The following PDE4B variants were observed in gnomAD, a reference collection of about 807,000 sequenced individuals.
PDE4B encodes the protein 3',5'-cyclic-AMP phosphodiesterase 4B.
In PDE4B, 20 loss-of-function variants were observed where a neutral mutation model predicts 82.2. The observed-to-expected ratio is 0.24, with a 90% confidence interval of 0.17 to 0.35. The LOEUF (loss-of-function observed/expected upper bound fraction) is 0.35, where lower values mean the gene tolerates loss of function less well. Ranked by LOEUF, PDE4B falls within the 10% of genes least tolerant of loss-of-function variation. The probability of loss-of-function intolerance (pLI) is 1.00; values close to 1 mark genes in which losing one functional copy is unlikely to be tolerated. For synonymous variants in PDE4B, 320 were observed against 318.9 expected, an observed-to-expected ratio of 1.00 and a Z score of -0.04; for missense variants, 655 against 907.2, an observed-to-expected ratio of 0.72 and a Z score of 3.57.
chr1:65,887,281 T>TTCCTTCCTTCTTTC, intron 1 of PDE4B, among the ~76,000 whole-genome samples: 1 of 122,798 alleles, frequency 8.1e-6, no homozygotes, highest in African/African-American at 3.1e-5. Context: ...CTTTCTTTCT[T>TTCCTTCCTTCTTTC]TTTCTTTCTC....
chr1:65,853,452 T>C (rs920812160), intron 1 of PDE4B, among the ~76,000 whole-genome samples: 1 of 152,150 alleles, frequency 6.6e-6, no homozygotes, highest in Non-Finnish European at 1.5e-5. Flanking sequence ...TTTATTCTTT[T>C]TGTGACTTCT....
intron 3 of PDE4B, among the ~76,000 whole-genome samples, chr1:66,037,770 C>T (rs969494773): frequency 6.6e-6 from 1 of 151,918 alleles, no homozygotes; most frequent in African/African-American, 2.4e-5. Flanking sequence ...TCATTTTCAA[C>T]AATAAAAATG....
At chr1:65,941,037 GC>G (rs959984216) in intron 3 of PDE4B, among the ~76,000 whole-genome samples, 6 of 151,888 alleles carry the variant, frequency 4.0e-5, no homozygotes, top group African/African-American at 1.5e-4. Flanking sequence ...ATATAATGTT[GC>G]AGATAAAGTT....
chr1:66,055,013 C>A (rs151291888), intron 3 of PDE4B, among the ~76,000 whole-genome samples: 2 of 152,086 alleles, frequency 1.3e-5, no homozygotes, highest in African/African-American at 4.8e-5. Context: ...AGTCAAACTG[C>A]GTTTTAAAGA....
At chr1:65,980,361 T>C (rs1231299090) in intron 3 of PDE4B, among the ~76,000 whole-genome samples, 1 of 152,032 alleles carries the variant, frequency 6.6e-6, no homozygotes, top group Non-Finnish European at 1.5e-5. Context: ...TACAGAAAAA[T>C]GGTGTTTTGA....
At chr1:65,964,096 A>C (rs1023158121) in intron 3 of PDE4B, among the ~76,000 whole-genome samples, 1 of 152,130 alleles carries the variant, frequency 6.6e-6, no homozygotes, top group Non-Finnish European at 1.5e-5. Flanking sequence ...TAAATGATTG[A>C]TATAACACTT....
chr1:66,211,194 G>T (rs1650020974), intron 3 of PDE4B, among the ~76,000 whole-genome samples: 1 of 152,200 alleles, frequency 6.6e-6, no homozygotes, highest in South Asian at 2.1e-4. Flanking sequence ...ATATTACAAG[G>T]TTTATAGATT....
chr1:66,260,190 C>T (rs1654582121), intron 6 of PDE4B, among the ~76,000 whole-genome samples: 1 of 152,090 alleles, frequency 6.6e-6, no homozygotes, highest in African/African-American at 2.4e-5. Flanking sequence ...ATTGTTACCC[C>T]CACTCTATGG....
At chr1:65,914,384 T>C (rs1040941701) in intron 2 of PDE4B, among the ~76,000 whole-genome samples, 6 of 152,220 alleles carry the variant, frequency 3.9e-5, no homozygotes, top group Non-Finnish European at 8.8e-5. Flanking sequence ...TCCTTTTCCA[T>C]TGCCATTTCT....
intron 1 of PDE4B, among the ~76,000 whole-genome samples, chr1:65,858,597 A>G (rs1646419840): frequency 6.6e-6 from 1 of 152,200 alleles, no homozygotes; most frequent in Admixed American, 6.5e-5. Context: ...TGGAAATTAG[A>G]AAGTGTTAAG....
chr1:66,036,802 C>G (rs1198970041), intron 3 of PDE4B, among the ~76,000 whole-genome samples: 1 of 152,026 alleles, frequency 6.6e-6, no homozygotes, highest in East Asian at 1.9e-4. Context: ...ATTGCTTTGG[C>G]TATTTGGAGT....
intron 1 of PDE4B, among the ~76,000 whole-genome samples, chr1:65,908,659 A>C (rs966872714): frequency 1.3e-5 from 2 of 152,104 alleles, no homozygotes; most frequent in African/African-American, 4.8e-5. Flanking sequence ...ATTCCAATCA[A>C]GAGAGTAGAC....
intron 3 of PDE4B, among the ~76,000 whole-genome samples, chr1:66,048,545 A>G (rs1445221269): frequency 6.6e-6 from 1 of 151,982 alleles, no homozygotes; most frequent in East Asian, 1.9e-4. Context: ...TTACACTACA[A>G]AGAAAGTAGT....
At chr1:66,084,110 T>C (rs1015541883) in intron 3 of PDE4B, among the ~76,000 whole-genome samples, 7 of 152,128 alleles carry the variant, frequency 4.6e-5, no homozygotes, top group African/African-American at 1.7e-4. Context: ...TTTAAAAAAT[T>C]ATACCTCTTA....
At chr1:65,889,526 AT>A (rs1169350513) in intron 1 of PDE4B, among the ~76,000 whole-genome samples, 1 of 152,178 alleles carries the variant, frequency 6.6e-6, no homozygotes, top group African/African-American at 2.4e-5. Flanking sequence ...AATAAATAAA[AT>A]GAAGTTGTAA....
At chr1:65,875,596 A>G (rs1412824320) in intron 1 of PDE4B, among the ~76,000 whole-genome samples, 2 of 146,836 alleles carry the variant, frequency 1.4e-5, no homozygotes, top group Non-Finnish European at 3.0e-5. Context: ...TGTGGCACAT[A>G]TACACCATGG....
intron 3 of PDE4B, among the ~76,000 whole-genome samples, chr1:66,142,759 G>A (rs1016890864): frequency 6.6e-6 from 1 of 152,112 alleles, no homozygotes; most frequent in South Asian, 2.1e-4. Context: ...ATATTGTAAT[G>A]TCGGTGCTTT....
Position 65,999,010 on chromosome 1 carries a change from C to A in PDE4B, c.281+80175C>A, listed in dbSNP as rs575655490. Among the ~76,000 whole-genome samples the A allele has an allele frequency of 7.9e-5, 12 of 152,166 alleles. No individual in the cohort carries two copies. In the East Asian group the frequency reaches 9.7e-4, roughly 12 times the overall value. ...ACATCTATAAATAGTGTTTTCCTGG[C>A]CTTTTAGTGTCATCAAGTCTTCAAT... On this transcript the variant is annotated intron_variant, in intron 3 of 16. Transcript: ENST00000341517.
At chr1:65,817,181 C>G (rs988883629) in intron 1 of PDE4B, among the ~76,000 whole-genome samples, 5 of 152,048 alleles carry the variant, frequency 3.3e-5, no homozygotes, top group African/African-American at 1.2e-4. Flanking sequence ...ACAATCTCTC[C>G]CAGTTAAGTT....
Sources: gnomAD v4.1 joint callset for allele counts (sites outside exome capture counted in the v4.1 genomes callset) on GRCh38, gnomAD v4.1.1 for gene constraint, MANE v1.5 for transcripts, NCBI Gene and HGNC (gene_info 2026-07-23, HGNC 2026-07-21) for gene names.